The following MBOAT2 variants were observed in gnomAD, a reference collection of about 807,000 sequenced individuals.
MBOAT2 encodes membrane-bound glycerophospholipid O-acyltransferase 2.
In MBOAT2, 28 loss-of-function variants were observed where a neutral mutation model predicts 63.4. That is an observed-to-expected ratio of 0.44 (90% confidence interval 0.33 to 0.61). The LOEUF (loss-of-function observed/expected upper bound fraction) is 0.61. Ranked by LOEUF, MBOAT2 falls within the 20% of genes least tolerant of loss-of-function variation. The probability of loss-of-function intolerance (pLI) is 0.03; values close to 1 mark genes in which losing one functional copy is unlikely to be tolerated. For synonymous variants in MBOAT2, 211 were observed against 215.6 expected (o/e 0.98, Z 0.19); for missense variants, 470 against 605.8 (o/e 0.78, Z 2.35).
intron 2 of MBOAT2, among the ~76,000 whole-genome samples, chr2:8,956,063 CA>C (rs374495969): frequency 1.7e-3 from 258 of 151,920 alleles, no homozygotes; most frequent in African/African-American, 5.8e-3. Context: ...ACTGGGAAAC[CA>C]AAAAAATTTG....
intron 2 of MBOAT2, among the ~76,000 whole-genome samples, chr2:8,953,216 TAAG>T (rs775369199): frequency 1.3e-5 from 2 of 152,232 alleles, no homozygotes; most frequent in Non-Finnish European, 1.5e-5. Context: ...CTCCTTCACT[TAAG>T]AAGTTTAGTT....
chr2:8,892,989 G>C (rs1296057285), intron 4 of MBOAT2, among the ~76,000 whole-genome samples: 1 of 151,198 alleles, frequency 6.6e-6, no homozygotes, highest in Non-Finnish European at 1.5e-5. Flanking sequence ...TTAGGCAAAA[G>C]AGTGACTTGG....
Position 8,958,660 on chromosome 2 carries a change from A to G in MBOAT2, c.76-18T>C, listed in dbSNP as rs1031384108. 27 of 1,544,158 alleles carry G rather than the reference A, an allele frequency of 1.7e-5. No homozygotes were observed. The highest frequency in any genetic ancestry group is 2.3e-5 in the Non-Finnish European group (27 of 1,149,576). The stretch of plus-strand genomic sequence containing the variant: ...AAGTTGACCTGTAAAGAAAAATTAA[A>G]ATTTTGTATTAGCAACACAGACCTG... On this transcript the variant is annotated intron_variant, in intron 1 of 12. Coordinates refer to ENST00000305997, the MANE Select transcript of MBOAT2 (RefSeq NM_138799.4).
At chr2:8,945,734 T>C (rs1401942614) in intron 2 of MBOAT2, among the ~76,000 whole-genome samples, 2 of 152,086 alleles carry the variant, frequency 1.3e-5, no homozygotes, top group East Asian at 1.9e-4. Context: ...AATGAAACAA[T>C]GCTTTGTCAC....
chr2:8,924,686 A>ACC (rs1666819114), intron 3 of MBOAT2, among the ~76,000 whole-genome samples: 1 of 148,444 alleles, frequency 6.7e-6, no homozygotes. Flanking sequence ...CCAAACCCCC[A>ACC]CCCAGCTATG....
At chr2:8,981,629 C>G (rs902719668) in intron 1 of MBOAT2, among the ~76,000 whole-genome samples, 7 of 151,344 alleles carry the variant, frequency 4.6e-5, no homozygotes, top group African/African-American at 1.7e-4. Flanking sequence ...GGCCAACACT[C>G]AAAGAAAAGC....
At chr2:8,968,171 T>C (rs926309203) in intron 1 of MBOAT2, among the ~76,000 whole-genome samples, 17 of 151,876 alleles carry the variant, frequency 1.1e-4, no homozygotes, top group Admixed American at 9.8e-4. Context: ...GGTATCCCTC[T>C]GAGACAAAGC....
chr2:8,901,892 G>A lies in MBOAT2; in HGVS notation c.395+6729C>T, dbSNP rs1386255220. The stretch of plus-strand genomic sequence containing the variant: ...AGGACTAGCCTTGGAGAAGAGAGGC[G>A]AGAGGAAGTTTGTCTGACAGGCATT... On this transcript the variant is annotated intron_variant, in intron 4 of 12. Coordinates refer to ENST00000305997, the MANE Select transcript of MBOAT2 (RefSeq NM_138799.4). 1.1e-4 allele frequency among the ~76,000 whole-genome samples: 17 copies of A among 151,986 alleles called. No homozygotes were observed. In the South Asian group the frequency reaches 1.5e-3, roughly 13 times the overall value.
intron 1 of MBOAT2, among the ~76,000 whole-genome samples, chr2:8,998,594 G>C (rs560382352): frequency 1.3e-5 from 2 of 151,746 alleles, no homozygotes; most frequent in African/African-American, 4.8e-5. Context: ...TTATCTGCAC[G>C]GTGCAGGGGA....
At chr2:8,988,466 T>C (rs1237964865) in intron 1 of MBOAT2, among the ~76,000 whole-genome samples, 3 of 152,188 alleles carry the variant, frequency 2.0e-5, no homozygotes, top group Non-Finnish European at 4.4e-5. Flanking sequence ...ATATGTTTTA[T>C]TACAAAAATA....
intron 9 of MBOAT2, among the ~76,000 whole-genome samples, chr2:8,865,838 A>G (rs952642231): frequency 2.0e-5 from 3 of 152,186 alleles, no homozygotes; most frequent in Admixed American, 2.0e-4. Flanking sequence ...GGAGTTCGAG[A>G]CTAGCCTGGC....
At chr2:8,952,370 G>A (rs932130898) in intron 2 of MBOAT2, among the ~76,000 whole-genome samples, 1 of 152,162 alleles carries the variant, frequency 6.6e-6, no homozygotes, top group Non-Finnish European at 1.5e-5. Context: ...CATTCCATGT[G>A]CAGATGAGAA....
chr2:8,903,675 C>T (rs1265383060), intron 4 of MBOAT2, among the ~76,000 whole-genome samples: 1 of 152,150 alleles, frequency 6.6e-6, no homozygotes, highest in African/African-American at 2.4e-5. Flanking sequence ...CCTAGCTTTC[C>T]CCACGGATTT....
At chr2:8,936,122 G>C (rs1199946930) in intron 3 of MBOAT2, among the ~76,000 whole-genome samples, 2 of 152,058 alleles carry the variant, frequency 1.3e-5, no homozygotes, top group Admixed American at 6.5e-5. Context: ...CCCTTCTTTT[G>C]TAACAGTAAT....
intron 1 of MBOAT2, among the ~76,000 whole-genome samples, chr2:8,986,677 A>G (rs1412329609): frequency 2.0e-5 from 3 of 152,166 alleles, no homozygotes; most frequent in Admixed American, 1.3e-4. Context: ...CCTTACCCCA[A>G]TGTGATGGCA....
At chr2:8,958,752 C>A in intron 1 of MBOAT2, 110 bp from the exon 2 acceptor site, 1 of 1,150,878 alleles carries the variant, frequency 8.7e-7, no homozygotes, top group South Asian at 1.9e-5. Flanking sequence ...AAAAATTGAC[C>A]TTCCAAGTTA....
At chr2:8,925,956 C>T (rs535953986) in intron 3 of MBOAT2, among the ~76,000 whole-genome samples, 14 of 152,206 alleles carry the variant, frequency 9.2e-5, no homozygotes, top group African/African-American at 2.2e-4. Context: ...TACAATCTTA[C>T]GAAGTAAGTG....
At chr2:8,937,494 T>C (rs1667749979) in intron 3 of MBOAT2, among the ~76,000 whole-genome samples, 1 of 152,196 alleles carries the variant, frequency 6.6e-6, no homozygotes, top group African/African-American at 2.4e-5. Context: ...CATTAAGAAC[T>C]GAGATAGATT....
intron 1 of MBOAT2, among the ~76,000 whole-genome samples, chr2:8,975,272 A>T (rs1182998599): frequency 6.6e-6 from 1 of 152,152 alleles, no homozygotes; most frequent in East Asian, 1.9e-4. Context: ...CAACCTAGAA[A>T]GTAGAACCTT....
Sources: allele counts gnomAD v4.1 joint callset (sites outside exome capture counted in the v4.1 genomes callset), GRCh38; gene constraint gnomAD v4.1.1; transcripts MANE v1.5; gene names NCBI Gene and HGNC (gene_info 2026-07-23, HGNC 2026-07-21).